Variants in METTL9 observed in about 807,000 individuals in gnomAD.
METTL9 encodes the protein protein-L-histidine N-pros-methyltransferase.
METTL9 carries 10 observed loss-of-function variants against 36.0 expected under a neutral mutation model. That is an observed-to-expected ratio of 0.28 (90% CI 0.17 to 0.47). The LOEUF is 0.47. Ranked by LOEUF, METTL9 falls within the 20% of genes least tolerant of loss-of-function variation. The probability of loss-of-function intolerance (pLI) is 0.99; values close to 1 mark genes in which losing one functional copy is unlikely to be tolerated. For synonymous variants in METTL9, 175 were observed against 149.7 expected (o/e 1.17, Z -1.23); for missense variants, 246 against 383.5 (o/e 0.64, Z 3.00).
At chr16:21,644,698 A>G (rs972243200) in intron 4 of METTL9, among the ~76,000 whole-genome samples, 3 of 152,238 alleles carry the variant, frequency 2.0e-5, no homozygotes, top group African/African-American at 4.8e-5. Context: ...TTGAAGTTAG[A>G]TAAACATTTC....
intron 4 of METTL9, chr16:21,639,749 A>G (rs377465939): frequency 1.3e-5 from 2 of 152,344 alleles, no homozygotes; most frequent in South Asian, 4.1e-4. Flanking sequence ...ATGAGGTTCC[A>G]TGCTGCCTCC....
chr16:21,655,158 C>A, intron 4 of METTL9, 69 bp from the exon 5 acceptor site: 1 of 1,424,436 alleles, frequency 7.0e-7, no homozygotes, highest in Non-Finnish European at 9.7e-7. Context: ...AGATATGGCT[C>A]CTCCCTGCTT....
At chr16:21,599,421 C>T (rs1311474955), upstream of METTL9, 5 of 1,111,090 alleles carry the variant, frequency 4.5e-6, no homozygotes, top group East Asian at 5.9e-5. This position sits in a 1 kb window ranked among gnomAD's most constrained non-coding sequence, Gnocchi z 4.4. Flanking sequence ...TTTGTCCCGC[C>T]TCCCAGCGGC....
At chr16:21,628,619 G>C (rs1018478807) in intron 4 of METTL9, among the ~76,000 whole-genome samples, 2 of 151,988 alleles carry the variant, frequency 1.3e-5, no homozygotes, top group Admixed American at 6.5e-5. Flanking sequence ...TCAGCCTCCT[G>C]AGTAGCTGGG....
At chr16:21,624,907 TAC>T in intron 3 of METTL9, 22 bp from the exon 4 acceptor site, 1 of 1,605,930 alleles carries the variant, frequency 6.2e-7, no homozygotes, top group Admixed American at 1.7e-5. Flanking sequence ...TTTATGTTAA[TAC>T]AGTTATTTCT....
Position 21,611,362 on chromosome 16 carries a change from G to A in METTL9, c.166-1283G>A, listed in dbSNP as rs1479723505. Among the ~76,000 whole-genome samples, 3 of 152,158 alleles carry A rather than the reference G, an allele frequency of 2.0e-5. No individual in the cohort carries two copies. In the East Asian group the frequency reaches 5.8e-4, roughly 29 times the overall value. The stretch of plus-strand genomic sequence containing the variant: ...TTAGTAAGCTTAGGATGACTGTAAA[G>A]CTGGTCTACCAATTGTGCAAGCACT... On this transcript the variant is annotated intron_variant, in intron 1 of 4. Transcript: ENST00000358154.
chr16:21,610,553 T>C (rs967838576), intron 1 of METTL9, among the ~76,000 whole-genome samples: 18 of 152,230 alleles, frequency 1.2e-4, no homozygotes, highest in African/African-American at 4.3e-4. Flanking sequence ...TTCTGTTCAA[T>C]AAGCAGTTTC....
intron 4 of METTL9, chr16:21,646,890 A>C: frequency 4.0e-6 from 2 of 495,466 alleles, no homozygotes; most frequent in Admixed American, 3.1e-5. Context: ...TCCTGACCTC[A>C]AGTGATTCGT....
intron 1 of METTL9, 146 bp downstream of exon 1, chr16:21,600,044 C>G: frequency 4.0e-6 from 3 of 751,448 alleles, no homozygotes; most frequent in Non-Finnish European, 5.3e-6. Flanking sequence ...TTCCCCGCGC[C>G]TTCCCCGCCG....
intron 4 of METTL9, among the ~76,000 whole-genome samples, chr16:21,650,486 T>C (rs1445742928): frequency 4.5e-5 from 6 of 132,252 alleles, no homozygotes; most frequent in African/African-American, 1.2e-4. Flanking sequence ...CTAGCCTGGG[T>C]GACAGAGTGA....
At chr16:21,608,446 A>G (rs959975207) in intron 1 of METTL9, among the ~76,000 whole-genome samples, 1 of 152,108 alleles carries the variant, frequency 6.6e-6, no homozygotes, top group Non-Finnish European at 1.5e-5. Flanking sequence ...CTGGAATGTA[A>G]GTTCTCTGAG....
At position 21,613,168 on chromosome 16, in the gene METTL9, CTTTTTTTTTTTT is replaced by C. The variant is rs57388340; in HGVS notation, c.356+358_356+369del. ...ATCAGGGGCTAGGTCTGAGAGTCTG[CTTTTTTTTTTTT>C]TTTTTTTTTTTTTTTTTTTTTTTTA... On this transcript the variant is annotated intron_variant, in intron 2 of 4. Transcript: ENST00000358154. Among the ~76,000 whole-genome samples the C allele has an allele frequency of 3.0e-3, 271 of 91,410 alleles. 3 individuals are homozygous for C. The highest frequency in any genetic ancestry group is 4.3e-3 in the Non-Finnish European group (217 of 50,874). The allele number at this position is 91,410 out of a possible 152,430, so 60.0% of individuals were successfully genotyped here.
At chr16:21,616,228 C>G (rs1010007172) in intron 2 of METTL9, among the ~76,000 whole-genome samples, 1 of 152,138 alleles carries the variant, frequency 6.6e-6, no homozygotes, top group African/African-American at 2.4e-5. Context: ...CCAGTGGTCC[C>G]CAAACTGTTT....
chr16:21,600,744 G>A (rs1180533277), intron 1 of METTL9, among the ~76,000 whole-genome samples: 1 of 152,134 alleles, frequency 6.6e-6, no homozygotes, highest in Admixed American at 6.5e-5. Flanking sequence ...GAGATATTTC[G>A]TATATGACCT....
intron 4 of METTL9, among the ~76,000 whole-genome samples, chr16:21,626,201 G>C (rs1965810982): frequency 6.6e-6 from 1 of 152,120 alleles, no homozygotes. Flanking sequence ...ACCATCCCTG[G>C]CTGAAAAATC....
chr16:21,612,896 CA>C (rs916510579), intron 2 of METTL9, 61 bp downstream of exon 2: 1 of 1,409,634 alleles, frequency 7.1e-7, no homozygotes, highest in African/African-American at 1.5e-5. Context: ...AGGAAAAACA[CA>C]AAAAGAAAAG....
At position 21,656,973 on chromosome 16, in the gene METTL9, A is replaced by G. The variant is rs1045753273; in HGVS notation, c.*1541A>G. On this transcript the variant is annotated 3_prime_UTR_variant, in exon 5 of 5. Coordinates refer to ENST00000358154, the MANE Select transcript of METTL9 (RefSeq NM_016025.5). ...ATACTTAGCACCATAGATTGTAAAA[A>G]TAGAAAGAGGAAATGAGAAAACTTA... 1.3e-5 allele frequency: 2 copies of G among 152,194 alleles called. No homozygotes were observed. Among genetic ancestry groups the G allele is most frequent in the Non-Finnish European group, 2.9e-5 (2 of 68,010 alleles). 9.4% of individuals were successfully genotyped at this position (152,194 alleles called of 1,614,324 possible).
intron 4 of METTL9, chr16:21,643,228 T>G (rs903957187): frequency 1.7e-6 from 2 of 1,153,078 alleles, no homozygotes; most frequent in Non-Finnish European, 2.6e-6. Flanking sequence ...CATCAGAACT[T>G]TTCTTGCTCT....
rs1337605820 is a variant in METTL9 at position 21,656,405 on chromosome 16, C to T, written c.*973C>T. ...CCTCTCTCCCAGAGCTTGGCTCTTC[C>T]CTGAAATCCTTAAAGGAGTTTATTA... On this transcript the variant is annotated 3_prime_UTR_variant, in exon 5 of 5. Coordinates refer to ENST00000358154, the MANE Select transcript of METTL9 (RefSeq NM_016025.5). The T allele has an allele frequency of 6.6e-6, 1 of 152,116 alleles. No individual in the cohort carries two copies. The highest frequency in any genetic ancestry group is 1.9e-4 in the East Asian group (1 of 5,202). 9.4% of individuals were successfully genotyped at this position (152,116 alleles called of 1,614,324 possible). A position where few individuals can be genotyped will look rare whatever the true frequency, so the allele number is the denominator to read the frequency against.
Sources: gnomAD v4.1 joint callset for allele counts (sites outside exome capture counted in the v4.1 genomes callset) on GRCh38, gnomAD v4.1.1 for gene constraint, Gnocchi (gnomAD v3.1) non-coding constraint, MANE v1.5 for transcripts, NCBI Gene and HGNC (gene_info 2026-07-23, HGNC 2026-07-21) for gene names.